Variants in SCART1 observed in about 807,000 individuals in gnomAD.
SCART1 encodes the protein scavenger receptor family member expressed on T cells 1.
SCART1 carries 62 observed loss-of-function variants against 36.2 expected under a neutral mutation model. The ratio of observed to expected loss-of-function variants is 1.71; its 90% CI spans 1.40 to 2.12. SCART1 has a LOEUF of 2.12. SCART1 is among the 30% of genes most tolerant of loss of function. The probability of loss-of-function intolerance (pLI) is 0.00; values close to 1 mark genes in which losing one functional copy is unlikely to be tolerated. For synonymous variants in SCART1, 487 were observed against 238.7 expected (o/e 2.04, Z -9.59); for missense variants, 1,041 against 540.5 (o/e 1.93, Z -9.18).
chr10:133,466,681 C>T (rs1448611126), intron 10 of SCART1, among the ~76,000 whole-genome samples: 1 of 152,168 alleles, frequency 6.6e-6, no homozygotes, highest in African/African-American at 2.4e-5. Context: ...AACTTATATA[C>T]CTCAGGGGAA....
chr10:133,456,017 C>T (rs1850605257), intron 1 of SCART1, among the ~76,000 whole-genome samples: 1 of 152,032 alleles, frequency 6.6e-6, no homozygotes, highest in Non-Finnish European at 1.5e-5. Context: ...GATGTTGGGG[C>T]TCCAGAGGGC....
At chr10:133,456,420 C>T (rs769510433) in exon 2 of SCART1, 4 of 702,868 alleles carry the variant, frequency 5.7e-6, no homozygotes, top group Admixed American at 2.0e-5. Context: ...GTCCCGCTGC[C>T]TGGAGAGATG....
chr10:133,463,504 C>CTTTTTT (rs34222160), intron 6 of SCART1, among the ~76,000 whole-genome samples: 1 of 125,760 alleles, frequency 8.0e-6, no homozygotes, highest in Non-Finnish European at 1.6e-5. Context: ...ACGTATTTGA[C>CTTTTTT]TTTTTTTTTT....
At position 133,458,479 on chromosome 10, in the gene SCART1, G is replaced by A. The variant is rs549765689; in HGVS notation, c.802G>A (p.Glu268Lys). 1.5e-3 allele frequency: 1,055 copies of A among 691,976 alleles called. 10 individuals are homozygous for A. The highest frequency in any genetic ancestry group is 0.015 in the African/African-American group (862 of 56,836). The allele number at this position is 691,976 out of a possible 1,614,324, so 42.9% of individuals were successfully genotyped here. Residue 268 changes from glutamate to lysine, a missense_variant, in exon 4 of 12, where the codon GAG becomes AAG. Transcript: ENST00000640237. ...GGCCACGGCCCACGTGGTGTGCCGG[G>A]AGCTGCAGTGTGGGGCGGTCGTGTC...
intron 2 of SCART1, 61 bp from the exon 3 acceptor site, chr10:133,457,218 C>T: frequency 1.5e-6 from 1 of 682,658 alleles, no homozygotes; most frequent in South Asian, 1.6e-5. Context: ...AAAGGAGCTG[C>T]CGAGTGACCA....
At chr10:133,458,878 A>G in intron 4 of SCART1, 143 bp from the exon 5 acceptor site, 2 of 630,846 alleles carry the variant, frequency 3.2e-6, no homozygotes, top group Non-Finnish European at 5.6e-6. Context: ...CTGGATGCTG[A>G]TGCAGAGGAG....
At chr10:133,464,763 G>A (rs1850743229) in exon 7 of SCART1, 2 of 702,232 alleles carry the variant, frequency 2.8e-6, no homozygotes, top group Non-Finnish European at 2.6e-6. Context: ...TGTGGGGAGT[G>A]GGGCTGGCTG....
At chr10:133,457,444 G>T (rs540879852) in exon 3 of SCART1, 2 of 702,534 alleles carry the variant, frequency 2.8e-6, no homozygotes, top group Admixed American at 4.0e-5. Flanking sequence ...CAGGCCCCCC[G>T]CCGGGACGTG....
At chr10:133,468,146 C>T (rs1172335782) in exon 12 of SCART1, 6 of 492,034 alleles carry the variant, frequency 1.2e-5, no homozygotes, top group African/African-American at 3.8e-5. Context: ...TCATCCCCTT[C>T]GAGGGCCATC....
At chr10:133,458,157 G>A in intron 3 of SCART1, 1 of 697,814 alleles carries the variant, frequency 1.4e-6, no homozygotes, top group Admixed American at 2.0e-5. Flanking sequence ...CCCTGACCTT[G>A]GTGATGCGGC....
intron 8 of SCART1, 25 bp from the exon 9 acceptor site, chr10:133,465,226 G>A: frequency 1.4e-6 from 1 of 701,180 alleles, no homozygotes; most frequent in East Asian, 2.7e-5. Context: ...TCCAGCCCCC[G>A]CAGTGACCGC....
intron 6 of SCART1, among the ~76,000 whole-genome samples, chr10:133,461,154 T>C (rs545240270): frequency 2.0e-5 from 3 of 152,264 alleles, no homozygotes; most frequent in African/African-American, 7.2e-5. Context: ...TCTTGGGTGA[T>C]GGAATTTTGT....
At chr10:133,457,678 C>A in intron 3 of SCART1, 103 bp downstream of exon 3, 1 of 589,834 alleles carries the variant, frequency 1.7e-6, no homozygotes. Context: ...CGGATGGGCC[C>A]CCCTGTCCTG....
At chr10:133,459,727 G>A (rs934764878) in exon 6 of SCART1, 6 of 700,004 alleles carry the variant, frequency 8.6e-6, no homozygotes, top group South Asian at 1.5e-5. Context: ...ACCGAAACCC[G>A]CCTGACTCAG....
rs955227703 is a variant in SCART1, at chr10:133,465,337, T to C, written c.2431T>C (p.Cys811Arg). ...GCACGCGGGCTCCTGGGGCACCGTG[T>C]GCGACGATGGCTGGGACCTGGCGGA... is the stretch of plus-strand genomic sequence containing the variant. The change falls in exon 9 of 12, where the codon TGC (cysteine) becomes CGC (arginine). Residue 811 changes from cysteine to arginine, a missense_variant. Transcript: ENST00000640237. 8.1e-5 allele frequency: 56 copies of C among 689,312 alleles called. No homozygotes were observed. The Admixed American group carries it at 9.7e-4, about 12-fold the overall frequency. The allele number at this position is 689,312 out of a possible 1,614,324, so 42.7% of individuals were successfully genotyped here.
At chr10:133,468,856 T>C (rs1850789759) in exon 12 of SCART1, 1 of 152,218 alleles carries the variant, frequency 6.6e-6, no homozygotes, top group Non-Finnish European at 1.5e-5. Context: ...GGTCAATGTT[T>C]AAAAAAGAAA....
At chr10:133,466,455 T>C in intron 10 of SCART1, 74 bp downstream of exon 10, 1 of 670,468 alleles carries the variant, frequency 1.5e-6, no homozygotes, top group East Asian at 2.7e-5. Flanking sequence ...CAGCCTGGTG[T>C]TGGGGTCTGG....
At chr10:133,462,477 TAGAA>T (rs777760666) in intron 6 of SCART1, among the ~76,000 whole-genome samples, 8 of 152,122 alleles carry the variant, frequency 5.3e-5, no homozygotes, top group Non-Finnish European at 1.0e-4. Context: ...TCCAAAAAAT[TAGAA>T]AGAAAAAACC....
exon 11 of SCART1, chr10:133,467,263 G>A: frequency 1.4e-6 from 1 of 703,032 alleles, no homozygotes; most frequent in Non-Finnish European, 2.6e-6. Context: ...AATGCCGCCA[G>A]CAGGACTGTA....
Sources: gnomAD v4.1 joint callset for allele counts (sites outside exome capture counted in the v4.1 genomes callset) on GRCh38, gnomAD v4.1.1 for gene constraint, MANE v1.5 for transcripts, NCBI Gene and HGNC (gene_info 2026-07-23, HGNC 2026-07-21) for gene names.